Variants in NIPAL3 observed in about 807,000 individuals in gnomAD.
NIPAL3 encodes NIPA-like protein 3.
NIPAL3 carries 41 observed loss-of-function variants against 47.2 expected under a neutral mutation model. That is an observed-to-expected ratio of 0.87 (90% CI 0.68 to 1.13). The LOEUF is 1.13. Among genes scored for constraint, NIPAL3 ranks in the 50% most tolerant of loss-of-function variants. NIPAL3 has a pLI of 0.00. For synonymous variants in NIPAL3, 194 were observed against 209.6 expected (o/e 0.93, Z 0.64); for missense variants, 449 against 530.1 (o/e 0.85, Z 1.50).
At position 24,472,856 on chromosome 1, in the gene NIPAL3, C is replaced by T. The variant is rs1057146708; in HGVS notation, c.*3671C>T. On this transcript the variant is annotated 3_prime_UTR_variant, in exon 12 of 12. Coordinates refer to ENST00000374399, the MANE Select transcript of NIPAL3 (RefSeq NM_020448.5). ...AAATGAAGTCACCTTAGAATATATT[C>T]TGTGCGGATGCTTATATTTTGTTAA... The T allele has an allele frequency of 6.6e-6, 1 of 151,826 alleles. No individual in the cohort carries two copies. The highest frequency in any genetic ancestry group is 1.5e-5 in the Non-Finnish European group (1 of 67,988). 9.4% of individuals were successfully genotyped at this position (151,826 alleles called of 1,614,324 possible).
At position 24,442,207 on chromosome 1, in the gene NIPAL3, C is replaced by CTGTGAT; in HGVS notation, c.315_316insTGTGAT (p.Leu105_Ser106insCysAsp). ...CGCCGCTGTCACTCATCGTGCCCCT[C>CTGTGAT]AGCGCAGTTTCTGTGATAGGTAAGA... On this transcript the variant is annotated inframe_insertion, in exon 4 of 12. Transcript: ENST00000374399. The CTGTGAT allele has an allele frequency of 6.2e-7, 1 of 1,614,056 alleles. No individual in the cohort carries two copies. Among genetic ancestry groups the CTGTGAT allele is most frequent in the Non-Finnish European group, 8.5e-7 (1 of 1,180,024 alleles).
rs10664394 is a variant in NIPAL3, at chr1:24,471,578, C to CA, written c.*2413dup. On this transcript the variant is annotated 3_prime_UTR_variant, in exon 12 of 12. Coordinates refer to ENST00000374399, the MANE Select transcript of NIPAL3 (RefSeq NM_020448.5). ...CCTGGGTGACAATGAGACCATGGCT[C>CA]AAAAAAAAAAAAAAAAAAAAGATAA... The CA allele has an allele frequency of 0.014, 1,068 of 76,936 alleles. 29 individuals are homozygous for CA. Among genetic ancestry groups the CA allele is most frequent in the Middle Eastern group, 0.086 (11 of 128 alleles). The allele number at this position is 76,936 out of a possible 1,614,324, so 4.8% of individuals were successfully genotyped here.
At chr1:24,436,822 A>G (rs1645135572) in intron 2 of NIPAL3, among the ~76,000 whole-genome samples, 1 of 151,758 alleles carries the variant, frequency 6.6e-6, no homozygotes, top group African/African-American at 2.4e-5. Flanking sequence ...ATATGTGATG[A>G]CCAGGGTTTT....
rs765924225 is a variant in NIPAL3, at chr1:24,464,004, CTATCT to C, written c.927-16_927-12del. The C allele has an allele frequency of 1.3e-6, 2 of 1,599,954 alleles. No individual in the cohort carries two copies. Among genetic ancestry groups the C allele is most frequent in the Non-Finnish European group, 1.7e-6 (2 of 1,170,316 alleles). On this transcript the variant is annotated splice_polypyrimidine_tract_variant and intron_variant, in intron 10 of 11. Coordinates refer to ENST00000374399, the MANE Select transcript of NIPAL3 (RefSeq NM_020448.5). ...CTTGCTCCTGGCCTTATTTCTCTTC[CTATCT>C]TATCTCCATTCCGCAGGTGCCTCAT...
chr1:24,420,000 T>G, intron 2 of NIPAL3: 1 of 194,194 alleles, frequency 5.1e-6, no homozygotes, highest in South Asian at 7.5e-5. Flanking sequence ...GAGAATCACT[T>G]GAACCAAGGA....
At chr1:24,415,731 G>A (rs1643986827), upstream of NIPAL3, 14 of 581,386 alleles carry the variant, frequency 2.4e-5, no homozygotes, top group Non-Finnish European at 2.8e-5. Context: ...GCCAACTTCT[G>A]ACTGGCAGGC....
chr1:24,466,644 C>T (rs1224603283), intron 11 of NIPAL3, among the ~76,000 whole-genome samples: 2 of 152,314 alleles, frequency 1.3e-5, no homozygotes, highest in African/African-American at 2.4e-5. Flanking sequence ...TTACATGGTT[C>T]GTGGTTCCCC....
upstream of NIPAL3, chr1:24,414,504 G>A (rs1300061421): frequency 6.9e-6 from 1 of 145,464 alleles, no homozygotes; most frequent in Non-Finnish European, 1.5e-5. Flanking sequence ...CCAATGGCTC[G>A]CCTTTAAATT....
At chr1:24,441,550 A>G (rs965715803) in intron 3 of NIPAL3, among the ~76,000 whole-genome samples, 2 of 152,186 alleles carry the variant, frequency 1.3e-5, no homozygotes, top group African/African-American at 4.8e-5. Context: ...AGCAAGGCCC[A>G]CTGATACCCA....
chr1:24,452,295 C>T (rs970791108), intron 6 of NIPAL3, among the ~76,000 whole-genome samples: 1 of 152,188 alleles, frequency 6.6e-6, no homozygotes, highest in Non-Finnish European at 1.5e-5. Flanking sequence ...ACTGATAGAG[C>T]ACCAGACAGT....
chr1:24,435,957 C>T (rs1358803149), intron 2 of NIPAL3, among the ~76,000 whole-genome samples: 1 of 152,126 alleles, frequency 6.6e-6, no homozygotes, highest in Non-Finnish European at 1.5e-5. Flanking sequence ...GGTGAGGGCG[C>T]GCCACCTCAG....
At chr1:24,430,278 T>C (rs1238669404) in intron 2 of NIPAL3, among the ~76,000 whole-genome samples, 2 of 139,040 alleles carry the variant, frequency 1.4e-5, no homozygotes, top group Non-Finnish European at 3.1e-5. Flanking sequence ...GTCTCACTCT[T>C]GTTGCCCAGG....
At chr1:24,457,629 C>G (rs185932306) in intron 8 of NIPAL3, 23 of 425,746 alleles carry the variant, frequency 5.4e-5, no homozygotes, top group African/African-American at 4.5e-4. Flanking sequence ...GGAACTGATG[C>G]GGAGAGAGTA....
intron 2 of NIPAL3, among the ~76,000 whole-genome samples, chr1:24,439,587 T>A (rs1265170785): frequency 1.3e-5 from 2 of 152,194 alleles, no homozygotes; most frequent in Admixed American, 1.3e-4. Context: ...GATATTATTA[T>A]TTTTATCTAT....
At chr1:24,437,027 G>A (rs865853098) in intron 2 of NIPAL3, among the ~76,000 whole-genome samples, 16 of 152,146 alleles carry the variant, frequency 1.1e-4, no homozygotes, top group African/African-American at 3.1e-4. Context: ...CGAAGCGGTC[G>A]GATCATGAGG....
At chr1:24,442,248 C>G (rs1331542963) in intron 4 of NIPAL3, 22 bp downstream of exon 4, 1 of 1,610,560 alleles carries the variant, frequency 6.2e-7, no homozygotes, top group Non-Finnish European at 8.5e-7. Context: ...GCTGCCCCAC[C>G]CTCCCCTGGG....
intron 2 of NIPAL3, among the ~76,000 whole-genome samples, chr1:24,423,244 G>C (rs141046610): frequency 2.0e-5 from 3 of 152,242 alleles, no homozygotes; most frequent in African/African-American, 4.8e-5. Context: ...CATTTCTAAT[G>C]TAATGATAGA....
intron 2 of NIPAL3, among the ~76,000 whole-genome samples, chr1:24,428,987 A>G (rs1267782722): frequency 1.3e-5 from 2 of 152,236 alleles, no homozygotes; most frequent in African/African-American, 4.8e-5. Flanking sequence ...AAGACAGACT[A>G]AATCCTCGTG....
At chr1:24,434,434 T>C (rs1351547094) in intron 2 of NIPAL3, among the ~76,000 whole-genome samples, 2 of 151,938 alleles carry the variant, frequency 1.3e-5, no homozygotes, top group East Asian at 3.9e-4. Context: ...AGCCCCAAAA[T>C]ACAGGAAGCA....
Sources: gnomAD v4.1 joint callset for allele counts (sites outside exome capture counted in the v4.1 genomes callset) on GRCh38, gnomAD v4.1.1 for gene constraint, MANE v1.5 for transcripts, NCBI Gene and HGNC (gene_info 2026-07-23, HGNC 2026-07-21) for gene names.